Variants in NUFIP1 observed in about 807,000 individuals in gnomAD.
NUFIP1 encodes the protein FMR1-interacting protein NUFIP1.
A neutral mutation model predicts 56.2 loss-of-function variants in NUFIP1; 38 were observed. The observed-to-expected ratio is 0.68, with a 90% CI of 0.52 to 0.89. The LOEUF (loss-of-function observed/expected upper bound fraction) is 0.89, where lower values mean the gene tolerates loss of function less well. Ranked by LOEUF, NUFIP1 falls within the 40% of genes least tolerant of loss-of-function variation. The pLI is 0.00. For missense variants in NUFIP1, 567 were observed against 605.8 expected (o/e 0.94, Z 0.67); for synonymous variants, 215 against 212.4 (o/e 1.01, Z -0.10).
intron 5 of NUFIP1, among the ~76,000 whole-genome samples, chr13:44,974,251 A>T (rs1013014618): frequency 6.6e-6 from 1 of 152,240 alleles, no homozygotes; most frequent in East Asian, 1.9e-4. Flanking sequence ...AACAGGATGT[A>T]GCAACTGAGC....
intron 6 of NUFIP1, 78 bp from the exon 7 acceptor site, chr13:44,959,652 C>G: frequency 8.7e-7 from 1 of 1,147,504 alleles, no homozygotes; most frequent in Non-Finnish European, 1.3e-6. Flanking sequence ...CTACTAGATA[C>G]AAAAGAAACC....
At chr13:44,984,930 A>G (rs890571311) in intron 1 of NUFIP1, among the ~76,000 whole-genome samples, 21 of 152,188 alleles carry the variant, frequency 1.4e-4, no homozygotes, top group African/African-American at 4.6e-4. Context: ...TCATTGTTCA[A>G]TTCCCATCTA....
In NUFIP1 at chr13:44,941,182, T is replaced by C. The variant is rs756319701; in HGVS notation, c.*24A>G. The C allele has an allele frequency of 8.5e-7, 1 of 1,179,868 alleles. No individual in the cohort carries two copies. Among genetic ancestry groups the C allele is most frequent in the Non-Finnish European group, 1.3e-6 (1 of 797,788 alleles). The allele number at this position is 1,179,868 out of a possible 1,614,324, so 73.1% of individuals were successfully genotyped here. Reference sequence around the variant, plus strand: ...ATGATACTGTTTCACATGCTTCAGTTATGTATGCTGAAACACCAGATGCCT... The same window carrying C: ...ATGATACTGTTTCACATGCTTCAGTCATGTATGCTGAAACACCAGATGCCT... On this transcript the variant is annotated 3_prime_UTR_variant, in exon 10 of 10. Coordinates refer to ENST00000379161, the MANE Select transcript of NUFIP1 (RefSeq NM_012345.3).
chr13:44,970,878 G>C (rs796596550), intron 5 of NUFIP1, among the ~76,000 whole-genome samples: 3 of 152,184 alleles, frequency 2.0e-5, no homozygotes, highest in African/African-American at 7.2e-5. Flanking sequence ...GTTTCGCCAT[G>C]TTGGCCAGGC....
At chr13:44,988,506 T>G (rs1872516714) in intron 1 of NUFIP1, among the ~76,000 whole-genome samples, 1 of 152,238 alleles carries the variant, frequency 6.6e-6, no homozygotes, top group Admixed American at 6.5e-5. Flanking sequence ...CTTCTTTGTT[T>G]TATCTCTCTC....
intron 1 of NUFIP1, 89 bp from the exon 2 acceptor site, chr13:44,982,243 T>G: frequency 1.8e-6 from 1 of 557,320 alleles, no homozygotes; most frequent in Non-Finnish European, 2.8e-6. Context: ...GTTACAAATA[T>G]TTCAGTAAAA....
At chr13:44,973,201 A>C (rs1404664697) in intron 5 of NUFIP1, among the ~76,000 whole-genome samples, 2 of 149,046 alleles carry the variant, frequency 1.3e-5, no homozygotes, top group African/African-American at 4.9e-5. Context: ...TGTAGGGAAA[A>C]GCCATTAATA....
chr13:44,961,014 C>T (rs1019415809), intron 6 of NUFIP1, among the ~76,000 whole-genome samples: 1 of 146,328 alleles, frequency 6.8e-6, no homozygotes, highest in Non-Finnish European at 1.5e-5. Context: ...GATTGTGCCA[C>T]TGCACTCCAG....
chr13:44,961,624 A>G (rs1871428021), intron 6 of NUFIP1, among the ~76,000 whole-genome samples: 1 of 152,242 alleles, frequency 6.6e-6, no homozygotes, highest in South Asian at 2.1e-4. Context: ...TTTTGCAGAA[A>G]GCCATGGACC....
rs1374457790 is a variant in NUFIP1, at chr13:44,941,217, T to C, written c.1477A>G (p.Lys493Glu). The C allele has an allele frequency of 1.3e-6, 2 of 1,574,962 alleles. No individual in the cohort carries two copies. The highest frequency in any genetic ancestry group is 1.9e-4 in the Middle Eastern group (1 of 5,172). The part of the protein sequence containing the change: ...FGLDTNSAKS[K>E]DV ...GAAACACCAGATGCCTATACATCTTTACTTTTCGCAGAATTAGTATCCAGT... is the reference window on the plus strand; with the variant it reads ...GAAACACCAGATGCCTATACATCTTCACTTTTCGCAGAATTAGTATCCAGT... The change falls in exon 10 of 10, where the codon AAA becomes GAA. Residue 493 changes from lysine (K) to glutamate (E), a missense_variant. Coordinates refer to ENST00000379161, the MANE Select transcript of NUFIP1 (RefSeq NM_012345.3).
At chr13:44,962,404 T>C (rs906635411) in intron 6 of NUFIP1, among the ~76,000 whole-genome samples, 45 of 152,376 alleles carry the variant, frequency 3.0e-4, no homozygotes, top group Middle Eastern at 3.4e-3. Flanking sequence ...TCTACTTATC[T>C]ATTTATCCTT....
intron 1 of NUFIP1, among the ~76,000 whole-genome samples, chr13:44,987,525 TAACTTTTTTGC>T (rs1001168178): frequency 2.0e-5 from 3 of 151,374 alleles, no homozygotes; most frequent in Admixed American, 6.6e-5. Flanking sequence ...AATGTAAAAA[TAACTTTTTTGC>T]CCCATAGGAT....
At chr13:44,973,780 T>C (rs551011610) in intron 5 of NUFIP1, among the ~76,000 whole-genome samples, 176 of 152,240 alleles carry the variant, frequency 1.2e-3, no homozygotes, top group Non-Finnish European at 1.6e-3. Flanking sequence ...CTAAGAGCAA[T>C]GAGCAGAACT....
At position 44,939,899 on chromosome 13, in the gene NUFIP1, T is replaced by C. The variant is rs1870672082; in HGVS notation, c.*1307A>G. ...AACCCATAAGCCTATAAAATGTGTATGCTAACTAGTAATAAAAGTACAAAC... is the reference window on the plus strand; with the variant it reads ...AACCCATAAGCCTATAAAATGTGTACGCTAACTAGTAATAAAAGTACAAAC... On this transcript the variant is annotated 3_prime_UTR_variant, in exon 10 of 10. Transcript: ENST00000379161. 2 of 152,140 alleles carry C rather than the reference T, an allele frequency of 1.3e-5. No homozygotes were observed. The highest frequency in any genetic ancestry group is 2.4e-5 in the African/African-American group (1 of 41,446). 9.4% of individuals were successfully genotyped at this position (152,140 alleles called of 1,614,324 possible). A position where few individuals can be genotyped will look rare whatever the true frequency, so the allele number is the denominator to read the frequency against.
chr13:44,977,661 C>A (rs1382476393), intron 5 of NUFIP1, among the ~76,000 whole-genome samples: 1 of 152,152 alleles, frequency 6.6e-6, no homozygotes. Flanking sequence ...TACAGGTGGC[C>A]TAGATTCCTT....
intron 8 of NUFIP1, among the ~76,000 whole-genome samples, chr13:44,943,936 T>C (rs1870832225): frequency 6.6e-6 from 1 of 152,158 alleles, no homozygotes; most frequent in African/African-American, 2.4e-5. Flanking sequence ...TAATGCCAGA[T>C]GGAAACTTGG....
At chr13:44,950,498 A>G (rs1871054148) in intron 7 of NUFIP1, among the ~76,000 whole-genome samples, 1 of 152,098 alleles carries the variant, frequency 6.6e-6, no homozygotes, top group Non-Finnish European at 1.5e-5. Flanking sequence ...GGCGTGTGCC[A>G]CTATGCCCAG....
At chr13:44,979,685 T>C (rs1198683628) in intron 4 of NUFIP1, among the ~76,000 whole-genome samples, 1 of 152,208 alleles carries the variant, frequency 6.6e-6, no homozygotes, top group Non-Finnish European at 1.5e-5. Flanking sequence ...CCTTGGGCAA[T>C]TCATTTTTTA....
At chr13:44,979,840 T>C in intron 4 of NUFIP1, 50 bp downstream of exon 4, 1 of 1,297,230 alleles carries the variant, frequency 7.7e-7, no homozygotes, top group Non-Finnish European at 1.1e-6. Context: ...AGATAACAGA[T>C]CAATAAAAAG....
Sources: allele counts gnomAD v4.1 joint callset (sites outside exome capture counted in the v4.1 genomes callset), GRCh38; gene constraint gnomAD v4.1.1; transcripts MANE v1.5; gene names NCBI Gene and HGNC (gene_info 2026-07-23, HGNC 2026-07-21).